The following CCNJL variants were observed in gnomAD, a reference collection of about 807,000 sequenced individuals.
CCNJL encodes the protein cyclin J like.
Under a neutral mutation model 33.4 loss-of-function variants are expected in CCNJL, and 33 were observed. That is an observed-to-expected ratio of 0.99 (90% CI 0.75 to 1.32). The LOEUF (loss-of-function observed/expected upper bound fraction) is 1.32. CCNJL is among the 40% of genes most tolerant of loss of function. The pLI is 0.00. For synonymous variants in CCNJL, 227 were observed against 220.9 expected (o/e 1.03, Z -0.24); for missense variants, 512 against 499.7 (o/e 1.02, Z -0.23).
rs548670327 is a variant in CCNJL, at chr5:160,339,554, T to G, written n.97A>C. The G allele has an allele frequency of 1.6e-4, 74 of 449,518 alleles. 1 individual carries two copies. The highest frequency in any genetic ancestry group is 1.4e-3 in the African/African-American group (72 of 50,008). 27.8% of individuals were successfully genotyped at this position (449,518 alleles called of 1,614,324 possible). On this transcript the variant is annotated non_coding_transcript_exon_variant, in exon 1 of 8. Coordinates refer to the CCNJL transcript ENST00000377503. ...ATCTTTGTCGACTTGCTTTCAGTTA[T>G]CCATTAGTGCTGACACAGAAAGTGT...
intron 3 of CCNJL, among the ~76,000 whole-genome samples, chr5:160,278,709 G>C (rs1164961344): frequency 1.3e-5 from 2 of 152,312 alleles, no homozygotes; most frequent in East Asian, 3.9e-4. Flanking sequence ...GACACTCGGG[G>C]AGAGCTTCCA....
chr5:160,297,037 C>T (rs1184275209), intron 2 of CCNJL, among the ~76,000 whole-genome samples: 1 of 152,160 alleles, frequency 6.6e-6, no homozygotes, highest in East Asian at 1.9e-4. Context: ...GAGGACTTAG[C>T]TAATGGAGGG....
chr5:160,308,549 G>A (rs1182805576), intron 2 of CCNJL, among the ~76,000 whole-genome samples: 4 of 152,182 alleles, frequency 2.6e-5, no homozygotes, highest in Non-Finnish European at 5.9e-5. Flanking sequence ...CGAGGTCAGG[G>A]GTTCTTCGAG....
chr5:160,256,321 A>G (rs781118867), intron 4 of CCNJL, among the ~76,000 whole-genome samples: 8 of 152,216 alleles, frequency 5.3e-5, no homozygotes, highest in African/African-American at 1.7e-4. Context: ...TTTGGTTATT[A>G]TAAGAGAATG....
intron 2 of CCNJL, among the ~76,000 whole-genome samples, chr5:160,299,242 C>T (rs1021689724): frequency 2.6e-5 from 4 of 152,160 alleles, no homozygotes; most frequent in East Asian, 1.9e-4. Context: ...CTCTGTCTCC[C>T]GGGTTTAAGC....
chr5:160,301,894 T>TA (rs551987208), intron 2 of CCNJL, among the ~76,000 whole-genome samples: 177 of 151,702 alleles, frequency 1.2e-3, no homozygotes, highest in Non-Finnish European at 2.1e-3. Context: ...CACGCCCAGC[T>TA]AATTTTTGTA....
rs532334068 is a variant in CCNJL at position 160,252,827 on chromosome 5, A to G, written c.*551T>C. On this transcript the variant is annotated 3_prime_UTR_variant, in exon 6 of 6. Coordinates refer to ENST00000257536, the MANE Select transcript of CCNJL (RefSeq NM_001308173.3). ...TGAAAATGGTTTTAGGTTCGAAAAC[A>G]AAGGCAAGACAGCCACCCACTGTGC... 2 of 153,060 alleles carry G rather than the reference A, an allele frequency of 1.3e-5. No homozygotes were observed. Among genetic ancestry groups the G allele is most frequent in the East Asian group, 3.9e-4 (2 of 5,192 alleles). The allele number at this position is 153,060 out of a possible 1,614,324, so 9.5% of individuals were successfully genotyped here.
At chr5:160,337,736 GCA>G (rs1382805870) in intron 1 of CCNJL, among the ~76,000 whole-genome samples, 1 of 152,170 alleles carries the variant, frequency 6.6e-6, no homozygotes, top group African/African-American at 2.4e-5. Context: ...GGCCCAATCA[GCA>G]CAGTTACGTG....
intron 1 of CCNJL, among the ~76,000 whole-genome samples, chr5:160,319,987 G>A (rs1763420947): frequency 1.3e-5 from 2 of 152,116 alleles, no homozygotes. Context: ...GGAGCTAACG[G>A]GGACCTATGG....
Position 160,260,275 on chromosome 5 carries a change from C to T in CCNJL, c.281-504G>A, listed in dbSNP as rs141006931. Reference sequence around the variant, plus strand: ...AGAAAAGCTCTTCAATGGCTTCCCGCTATCCTGGCTATTGAGTTCAAACTG... The same window carrying T: ...AGAAAAGCTCTTCAATGGCTTCCCGTTATCCTGGCTATTGAGTTCAAACTG... On this transcript the variant is annotated intron_variant, in intron 3 of 5. Transcript: ENST00000257536. Among the ~76,000 whole-genome samples the T allele has an allele frequency of 6.3e-3, 955 of 152,272 alleles. 16 individuals carry two copies. The highest frequency in any genetic ancestry group is 0.022 in the African/African-American group (924 of 41,548).
chr5:160,337,825 A>C (rs1763701731), intron 1 of CCNJL, among the ~76,000 whole-genome samples: 1 of 152,228 alleles, frequency 6.6e-6, no homozygotes, highest in African/African-American at 2.4e-5. Context: ...TTCAAGATAG[A>C]TCCTGAGTGG....
At chr5:160,265,187 G>A (rs1353152350) in intron 3 of CCNJL, among the ~76,000 whole-genome samples, 7 of 152,312 alleles carry the variant, frequency 4.6e-5, no homozygotes, top group Middle Eastern at 3.4e-3. Flanking sequence ...GCCCCCAAAA[G>A]TCCTTCATGC....
chr5:160,259,371 C>T (rs13357316), intron 4 of CCNJL, 98 bp downstream of exon 4: 52,944 of 1,084,142 alleles, frequency 0.049, 2,361 homozygotes, highest in South Asian at 0.18. Context: ...AGTGAGAAGG[C>T]CTGATCTGGA....
At chr5:160,292,863 T>C (rs1484361221) in intron 2 of CCNJL, among the ~76,000 whole-genome samples, 1 of 152,164 alleles carries the variant, frequency 6.6e-6, no homozygotes, top group African/African-American at 2.4e-5. Flanking sequence ...TCAAAGGCAA[T>C]GTTTCTCAAT....
chr5:160,293,877 G>A (rs996832631), intron 2 of CCNJL, among the ~76,000 whole-genome samples: 2 of 152,144 alleles, frequency 1.3e-5, no homozygotes, highest in African/African-American at 4.8e-5. Flanking sequence ...TCAAGGTGCA[G>A]TAAAGCAGGG....
chr5:160,301,503 G>A (rs1762920274), intron 2 of CCNJL, among the ~76,000 whole-genome samples: 2 of 151,378 alleles, frequency 1.3e-5, no homozygotes, highest in Admixed American at 6.6e-5. Flanking sequence ...GCACAGTCTC[G>A]GCTCACTGCA....
chr5:160,259,834 C>T lies in CCNJL; in HGVS notation c.281-63G>A, dbSNP rs76520014. On this transcript the variant is annotated intron_variant, in intron 3 of 5. Transcript: ENST00000257536. ...CATTTACCTGAACCCAGGAAGCTAA[C>T]GGCCCACCTTACAGTGCCTGGACAT... 1,286 of 1,407,602 alleles carry T rather than the reference C, an allele frequency of 9.1e-4. 26 individuals carry two copies. In the East Asian group the frequency reaches 0.024, roughly 26 times the overall value. 87.2% of individuals were successfully genotyped at this position (1,407,602 alleles called of 1,614,324 possible). A position where few individuals can be genotyped will look rare whatever the true frequency, so the allele number is the denominator to read the frequency against.
At position 160,250,004 on chromosome 5, in the gene CCNJL, T is replaced by A. The variant is rs1319325912; in HGVS notation, c.*3374A>T. The stretch of plus-strand genomic sequence containing the variant: ...GGCTTGAAAACCTCTGAATTTAACC[T>A]GATGCCAGCCCTGGGAGGAACTTTA... On this transcript the variant is annotated 3_prime_UTR_variant, in exon 6 of 6. Transcript: ENST00000257536. The A allele has an allele frequency of 6.6e-6, 1 of 152,132 alleles. No individual in the cohort carries two copies. Among genetic ancestry groups the A allele is most frequent in the Non-Finnish European group, 1.5e-5 (1 of 68,012 alleles). 9.4% of individuals were successfully genotyped at this position (152,132 alleles called of 1,614,324 possible).
intron 3 of CCNJL, among the ~76,000 whole-genome samples, chr5:160,276,657 GT>G (rs1222403338): frequency 3.9e-5 from 6 of 152,180 alleles, no homozygotes; most frequent in African/African-American, 1.4e-4. Flanking sequence ...TGGGTACGAA[GT>G]TTCCTTTTAA....
Sources: allele counts gnomAD v4.1 joint callset (sites outside exome capture counted in the v4.1 genomes callset), GRCh38; gene constraint gnomAD v4.1.1; transcripts MANE v1.5; gene names NCBI Gene and HGNC (gene_info 2026-07-23, HGNC 2026-07-21).